GALNT13: variants seen among roughly 807,000 people sequenced by gnomAD.
GALNT13 encodes the protein polypeptide N-acetylgalactosaminyltransferase 13.
In GALNT13, 28 loss-of-function variants were observed where a neutral mutation model predicts 64.2. The observed-to-expected ratio is 0.44, with a 90% CI of 0.32 to 0.60. The LOEUF (loss-of-function observed/expected upper bound fraction) is 0.60. GALNT13 is among the 20% of genes least tolerant of loss of function. The pLI is 0.05. For missense variants in GALNT13, 577 were observed against 669.8 expected, an observed-to-expected ratio of 0.86 and a Z score of 1.53; for synonymous variants, 214 against 224.6, an observed-to-expected ratio of 0.95 and a Z score of 0.42.
chr2:153,561,669 G>GT, the GALNT13 span, among the ~76,000 whole-genome samples: 13 of 138,802 alleles, frequency 9.4e-5, no homozygotes, highest in African/African-American at 3.3e-4. Flanking sequence ...GTGTGTGTGT[G>GT]GTGTGTATTA....
At chr2:154,185,942 A>C (rs1686225423) in intron 4 of GALNT13, among the ~76,000 whole-genome samples, 1 of 151,980 alleles carries the variant, frequency 6.6e-6, no homozygotes, top group Admixed American at 6.6e-5. Flanking sequence ...GTTCATTTGG[A>C]AAATATTTTT....
the GALNT13 span, among the ~76,000 whole-genome samples, chr2:153,350,931 AAGAT>A: frequency 2.0e-5 from 3 of 152,152 alleles, no homozygotes; most frequent in Non-Finnish European, 2.9e-5. Context: ...ATCAAGGAAA[AAGAT>A]AGTCCTATGG....
the GALNT13 span, among the ~76,000 whole-genome samples, chr2:153,193,554 A>C: frequency 2.6e-5 from 4 of 152,034 alleles, no homozygotes; most frequent in Middle Eastern, 6.3e-3. Flanking sequence ...TATGTAACTA[A>C]CCTGCACAAT....
Position 154,026,787 on chromosome 2 carries a change from A to G in GALNT13, c.142+82148A>G, listed in dbSNP as rs547327202. Reference sequence around the variant, plus strand: ...GCTTCAACCTATGAATGAATTTGGGAGAGTAGGGATATTTCAGTCCATAAC... The same window carrying G: ...GCTTCAACCTATGAATGAATTTGGGGGAGTAGGGATATTTCAGTCCATAAC... On this transcript the variant is annotated intron_variant, in intron 3 of 12. Coordinates refer to ENST00000392825, the MANE Select transcript of GALNT13 (RefSeq NM_052917.4). Among the ~76,000 whole-genome samples the G allele has an allele frequency of 2.0e-5, 3 of 152,282 alleles. No homozygotes were observed. The East Asian group carries it at 5.8e-4, about 29-fold the overall frequency.
rs148377604 is a variant in GALNT13, at chr2:154,417,245, G to A, written c.1395+8163G>A. ...TAAATAATTAAGTGATGACTCCGTC[G>A]AAATTATCGCTCCCAGTTGGAAAAA... is the stretch of plus-strand genomic sequence containing the variant. On this transcript the variant is annotated intron_variant, in intron 11 of 12. Transcript: ENST00000392825. 5.4e-4 allele frequency among the ~76,000 whole-genome samples: 61 copies of A among 112,568 alleles called. No individual in the cohort carries two copies. The East Asian group carries it at 0.013, about 23-fold the overall frequency. The allele number at this position is 112,568 out of a possible 152,430, so 73.8% of individuals were successfully genotyped here.
At chr2:153,439,047 C>T in the GALNT13 span, among the ~76,000 whole-genome samples, 1 of 152,174 alleles carries the variant, frequency 6.6e-6, no homozygotes, top group African/African-American at 2.4e-5. Flanking sequence ...CAGTCAGGAC[C>T]CTCAGTTGCA....
chr2:153,958,290 C>T (rs1049655142), intron 3 of GALNT13, among the ~76,000 whole-genome samples: 4 of 152,100 alleles, frequency 2.6e-5, no homozygotes, highest in African/African-American at 9.7e-5. Flanking sequence ...GGGGAAGCAG[C>T]TGGGAGGGGA....
At chr2:153,653,101 C>T in the GALNT13 span, among the ~76,000 whole-genome samples, 1 of 152,050 alleles carries the variant, frequency 6.6e-6, no homozygotes, top group Non-Finnish European at 1.5e-5. Flanking sequence ...GTCAGGCAGT[C>T]AGGTAATTTG....
chr2:153,116,842 C>T, the GALNT13 span, among the ~76,000 whole-genome samples: 2 of 148,088 alleles, frequency 1.4e-5, no homozygotes, highest in African/African-American at 5.0e-5. Flanking sequence ...CTCTGTCCCC[C>T]AGGCTGGAGT....
the GALNT13 span, among the ~76,000 whole-genome samples, chr2:153,597,722 A>C: frequency 6.6e-6 from 1 of 152,156 alleles, no homozygotes; most frequent in Admixed American, 6.6e-5. Flanking sequence ...CAAATCATAT[A>C]TATGATAAGC....
chr2:153,229,816 G>T, the GALNT13 span, among the ~76,000 whole-genome samples: 1 of 152,176 alleles, frequency 6.6e-6, no homozygotes, highest in African/African-American at 2.4e-5. Context: ...TCATTCAACA[G>T]AGAAAAGCAC....
intron 3 of GALNT13, among the ~76,000 whole-genome samples, chr2:153,963,269 G>T (rs1318497236): frequency 6.6e-6 from 1 of 152,042 alleles, no homozygotes; most frequent in Non-Finnish European, 1.5e-5. Flanking sequence ...CTCCATACTG[G>T]GAAACATTTA....
At chr2:154,004,202 T>A (rs1049309780) in intron 3 of GALNT13, among the ~76,000 whole-genome samples, 5 of 124,952 alleles carry the variant, frequency 4.0e-5, no homozygotes, top group African/African-American at 1.3e-4. Context: ...TTTAATTTCC[T>A]TTAATTTTTT....
the GALNT13 span, among the ~76,000 whole-genome samples, chr2:153,451,871 C>T: frequency 6.6e-6 from 1 of 152,192 alleles, no homozygotes; most frequent in Non-Finnish European, 1.5e-5. Flanking sequence ...GCTCATGAAG[C>T]AGCTAGATGG....
intron 4 of GALNT13, among the ~76,000 whole-genome samples, chr2:154,216,411 A>C (rs1283565241): frequency 6.6e-6 from 1 of 152,148 alleles, no homozygotes; most frequent in Non-Finnish European, 1.5e-5. Flanking sequence ...ATTTTTATTT[A>C]ACAAAATTTA....
chr2:153,553,361 T>C, the GALNT13 span, among the ~76,000 whole-genome samples: 1 of 149,440 alleles, frequency 6.7e-6, no homozygotes, highest in Non-Finnish European at 1.5e-5. Flanking sequence ...CTGAGTGTGG[T>C]GGCCTGTGCC....
At chr2:153,721,825 CAA>C in the GALNT13 span, among the ~76,000 whole-genome samples, 1 of 151,602 alleles carries the variant, frequency 6.6e-6, no homozygotes, top group Non-Finnish European at 1.5e-5. Context: ...GAGTGACCTA[CAA>C]AGAGACTTAG....
intron 9 of GALNT13, among the ~76,000 whole-genome samples, chr2:154,360,311 A>T (rs1001870249): frequency 2.6e-5 from 4 of 152,158 alleles, no homozygotes; most frequent in African/African-American, 9.6e-5. Flanking sequence ...ACAATAATCC[A>T]TTTATAGTCC....
At chr2:153,438,605 C>T in the GALNT13 span, among the ~76,000 whole-genome samples, 12 of 152,136 alleles carry the variant, frequency 7.9e-5, no homozygotes, top group African/African-American at 1.9e-4. Context: ...TACTTTCTTC[C>T]AGTTGATCGC....
Sources: allele counts gnomAD v4.1 joint callset (sites outside exome capture counted in the v4.1 genomes callset), GRCh38; gene constraint gnomAD v4.1.1; transcripts MANE v1.5; gene names NCBI Gene and HGNC (gene_info 2026-07-23, HGNC 2026-07-21).